The following BEGAIN variants were observed in gnomAD, a reference collection of about 807,000 sequenced individuals.
The protein encoded by BEGAIN is brain-enriched guanylate kinase-associated protein.
BEGAIN carries 19 observed loss-of-function variants against 35.8 expected under a neutral mutation model. The observed-to-expected ratio is 0.53, with a 90% CI of 0.37 to 0.78. BEGAIN has a LOEUF of 0.78. BEGAIN is among the 30% of genes least tolerant of loss of function. The probability of loss-of-function intolerance (pLI) is 0.00; values close to 1 mark genes in which losing one functional copy is unlikely to be tolerated. For missense variants in BEGAIN, 795 were observed against 853.6 expected (o/e 0.93, Z 0.85); for synonymous variants, 462 against 388.6 (o/e 1.19, Z -2.22).
At chr14:100,562,719 C>T (rs372448975) in intron 2 of BEGAIN, among the ~76,000 whole-genome samples, 8 of 152,208 alleles carry the variant, frequency 5.3e-5, no homozygotes, top group East Asian at 1.9e-4. Flanking sequence ...TGCCTTGACC[C>T]GGTGGCACCC....
chr14:100,545,417 T>A, intron 3 of BEGAIN: 1 of 1,104,682 alleles, frequency 9.1e-7, no homozygotes, highest in Non-Finnish European at 1.1e-6. Flanking sequence ...ACAAACCTGT[T>A]ATGGGGTTGA....
chr14:100,544,917 A>C, intron 4 of BEGAIN, 83 bp downstream of exon 4: 2 of 1,365,648 alleles, frequency 1.5e-6, no homozygotes, highest in Non-Finnish European at 2.1e-6. Flanking sequence ...CCAGCTCCTG[A>C]GTGGCCCAGG....
chr14:100,579,904 C>A (rs1027842234), intron 1 of BEGAIN, among the ~76,000 whole-genome samples: 3 of 152,238 alleles, frequency 2.0e-5, no homozygotes, highest in African/African-American at 2.4e-5. Flanking sequence ...GTACCAGACA[C>A]TACCATGTCT....
chr14:100,539,911 G>T (rs2031318217), intron 6 of BEGAIN, among the ~76,000 whole-genome samples: 1 of 152,158 alleles, frequency 6.6e-6, no homozygotes, highest in East Asian at 1.9e-4. Context: ...CCAGGACCAG[G>T]GGAAAGGAAC....
Position 100,568,840 on chromosome 14 carries a change from G to C in BEGAIN, c.43-901C>G. 1.0e-6 allele frequency: 1 copy of C among 985,598 alleles called. No homozygotes were observed. The highest frequency in any genetic ancestry group is 1.2e-6 in the Non-Finnish European group (1 of 830,076). The allele number at this position is 985,598 out of a possible 1,614,324, so 61.1% of individuals were successfully genotyped here. On this transcript the variant is annotated intron_variant, in intron 1 of 6. Transcript: ENST00000554140. The surrounding 1 kb of genome is among the most constrained non-coding windows in gnomAD (Gnocchi z 7.5). ...TCCCCGGGGCTTTGCCCGTCTTTCT[G>C]TGCCGTGACTGGCACTCAAGGGGGA... is the stretch of plus-strand genomic sequence containing the variant.
intron 1 of BEGAIN, among the ~76,000 whole-genome samples, chr14:100,582,512 C>T (rs1028367033): frequency 2.0e-5 from 3 of 152,216 alleles, no homozygotes; most frequent in Non-Finnish European, 4.4e-5. Context: ...CACACTTGTG[C>T]TCCTAATCAC....
chr14:100,550,586 A>G (rs538541367), intron 2 of BEGAIN: 23 of 398,408 alleles, frequency 5.8e-5, no homozygotes, highest in African/African-American at 3.5e-4. Flanking sequence ...GCCCACCATC[A>G]GGGGCACAGC....
At chr14:100,555,684 G>A (rs143566438) in intron 2 of BEGAIN, among the ~76,000 whole-genome samples, 2 of 152,330 alleles carry the variant, frequency 1.3e-5, no homozygotes, top group Non-Finnish European at 2.9e-5. Flanking sequence ...AAATAGTAGC[G>A]CTTTAGCCAT....
rs1340491779 is a variant in BEGAIN at position 100,587,384 on chromosome 14, G to A, written c.-94C>T. 1 of 146,040 alleles carries A rather than the reference G, an allele frequency of 6.8e-6. No homozygotes were observed. The highest frequency in any genetic ancestry group is 2.5e-5 in the African/African-American group (1 of 40,590). 9.0% of individuals were successfully genotyped at this position (146,040 alleles called of 1,614,324 possible). A position where few individuals can be genotyped will look rare whatever the true frequency, so the allele number is the denominator to read the frequency against. ...CGCGCCGGGAGCCGGCGCGGCCGGG[G>A]CTCCCCCACCCCGCCCGGCTTCCCG... On this transcript the variant is annotated 5_prime_UTR_variant, in exon 1 of 7. Coordinates refer to ENST00000554140, the MANE Select transcript of BEGAIN (RefSeq NM_001385089.1).
chr14:100,539,408 C>T, intron 6 of BEGAIN, 93 bp from the exon 7 acceptor site: 1 of 1,477,444 alleles, frequency 6.8e-7, no homozygotes, highest in Non-Finnish European at 8.9e-7. Context: ...CTGATGTTAG[C>T]CATGACCGAC....
rs528423235 is a variant in BEGAIN, at chr14:100,538,730, T to C, written c.1078A>G (p.Thr360Ala). ...AAGCGAGGGCTGCCCTCGTAGGTGG[T>C]GGCGGGTGGCTTGCGGTCGAAGAGC... ...DELFDRKPPA[T>A]TYEGSPRFAK... The change falls in exon 7 of 7, where the codon ACC (threonine) becomes GCC (alanine). Residue 360 changes from threonine to alanine, a missense_variant. Thr to Ala is a moderately conservative substitution (Grantham distance 58). Transcript: ENST00000554140. 2.5e-6 allele frequency: 4 copies of C among 1,568,734 alleles called. No homozygotes were observed. The South Asian group carries it at 4.7e-5, about 18-fold the overall frequency.
At chr14:100,547,230 G>A (rs1488909446) in intron 2 of BEGAIN, 1 of 152,296 alleles carries the variant, frequency 6.6e-6, no homozygotes, top group Non-Finnish European at 1.5e-5. Flanking sequence ...GAGATGTTTG[G>A]TGGCAATGTC....
intron 2 of BEGAIN, 58 bp from the exon 3 acceptor site, chr14:100,546,720 C>A: frequency 2.0e-6 from 3 of 1,477,694 alleles, no homozygotes; most frequent in Non-Finnish European, 2.7e-6. Context: ...GAAACTAAGG[C>A]CCGCAGGCCA....
intron 1 of BEGAIN, among the ~76,000 whole-genome samples, chr14:100,585,969 T>C (rs2035436277): frequency 6.6e-6 from 1 of 152,234 alleles, no homozygotes; most frequent in Non-Finnish European, 1.5e-5. Flanking sequence ...GCCCTGATTA[T>C]AGTGAGAGTC....
intron 2 of BEGAIN, among the ~76,000 whole-genome samples, chr14:100,557,948 G>A (rs1230861772): frequency 1.3e-5 from 2 of 151,938 alleles, no homozygotes; most frequent in Non-Finnish European, 2.9e-5. Context: ...CATCTGCCCC[G>A]ACACCCGGTG....
At chr14:100,566,243 G>A (rs536891189) in intron 2 of BEGAIN, among the ~76,000 whole-genome samples, 9 of 152,348 alleles carry the variant, frequency 5.9e-5, no homozygotes, top group East Asian at 1.9e-4. Context: ...GCCTCAGCCC[G>A]CCTGGGACAG....
rs1292129810 is a variant in BEGAIN at position 100,573,463 on chromosome 14, G to A, written c.43-5524C>T. Reference sequence around the variant, plus strand: ...TCAGGACCTTGGCTTCTGCCATGAGGTGGATGGGAGCCCCTGGAGGGATGA... The same window carrying A: ...TCAGGACCTTGGCTTCTGCCATGAGATGGATGGGAGCCCCTGGAGGGATGA... On this transcript the variant is annotated intron_variant, in intron 1 of 6. Transcript: ENST00000554140. The surrounding 1 kb of genome is among the most constrained non-coding windows in gnomAD (Gnocchi z 4.2). 1.3e-5 allele frequency among the ~76,000 whole-genome samples: 2 copies of A among 152,070 alleles called. No homozygotes were observed. The highest frequency in any genetic ancestry group is 2.9e-5 in the Non-Finnish European group (2 of 67,974).
rs1212819571 is a variant in BEGAIN at position 100,538,623 on chromosome 14, C to T, written c.1185G>A (p.Pro395=). The T allele has an allele frequency of 1.3e-6, 2 of 1,549,346 alleles. No homozygotes were observed. The highest frequency in any genetic ancestry group is 1.7e-6 in the Non-Finnish European group (2 of 1,146,252). Residue 395 remains proline (P), a synonymous_variant, in exon 7 of 7, where the codon CCG becomes CCA. Coordinates refer to ENST00000554140, the MANE Select transcript of BEGAIN (RefSeq NM_001385089.1). ...PGFGRTMSPY[P]AETFRFPASP... is the part of the protein sequence containing the mutation. The stretch of plus-strand genomic sequence containing the variant: ...AGGCCGGGAAGCGGAAGGTCTCGGC[C>T]GGGTACGGTGACATGGTCCGCCCGA...
rs539095251 is a variant in BEGAIN at position 100,567,599 on chromosome 14, G to A, written c.71+312C>T. Among the ~76,000 whole-genome samples the A allele has an allele frequency of 3.9e-5, 6 of 152,010 alleles. No homozygotes were observed. The South Asian group carries it at 1.2e-3, about 32-fold the overall frequency. ...GGGACCAGCGAGAGTCCAGGGCAGGGAGCCAGAGGGGCGCTGAGGACCGCA... is the reference window on the plus strand; with the variant it reads ...GGGACCAGCGAGAGTCCAGGGCAGGAAGCCAGAGGGGCGCTGAGGACCGCA... On this transcript the variant is annotated intron_variant, in intron 2 of 6. Transcript: ENST00000554140. The surrounding 1 kb of genome is among the most constrained non-coding windows in gnomAD (Gnocchi z 5.1).
Sources: gnomAD v4.1 joint callset for allele counts (sites outside exome capture counted in the v4.1 genomes callset) on GRCh38, gnomAD v4.1.1 for gene constraint, Gnocchi (gnomAD v3.1) non-coding constraint, MANE v1.5 for transcripts, NCBI Gene and HGNC (gene_info 2026-07-23, HGNC 2026-07-21) for gene names.